PCDHGB3: variants seen among roughly 807,000 people sequenced by gnomAD.
PCDHGB3 encodes protocadherin gamma-B3.
Under a neutral mutation model 59.2 loss-of-function variants are expected in PCDHGB3, and 40 were observed. The observed-to-expected ratio is 0.68, with a 90% CI of 0.52 to 0.88. PCDHGB3 has a LOEUF of 0.88. Among genes scored for constraint, PCDHGB3 ranks in the 40% least tolerant of loss-of-function variants. The pLI, the probability that PCDHGB3 is intolerant of heterozygous loss-of-function variation, is 0.00. For synonymous variants in PCDHGB3, 581 were observed against 503.6 expected, an observed-to-expected ratio of 1.15 and a Z score of -2.06; for missense variants, 1,309 against 1,187.9, an observed-to-expected ratio of 1.10 and a Z score of -1.50.
In PCDHGB3 at chr5:141,432,009, G is replaced by A. The variant is rs1227754190; in HGVS notation, c.2415+59200G>A. ...GTCTTGGATAGGGAACAGGTTCCTA[G>A]CTACAACATCACAGTGACCGCCACT... On this transcript the variant is annotated intron_variant, in intron 1 of 3. Coordinates refer to ENST00000576222, the MANE Select transcript of PCDHGB3 (RefSeq NM_018924.5). The surrounding 1 kb of genome is among the most constrained non-coding windows in gnomAD (Gnocchi z 6.0). The A allele has an allele frequency of 1.2e-6, 2 of 1,614,188 alleles. No homozygotes were observed. The highest frequency in any genetic ancestry group is 1.7e-6 in the Non-Finnish European group (2 of 1,180,024).
rs1308858640 is a variant in PCDHGB3, at chr5:141,372,034, G to A, written c.1640G>A (p.Ser547Asn). The change falls in exon 1 of 4, where the codon AGC becomes AAC. Residue 547 changes from serine to asparagine, a missense_variant. By Grantham distance (46) the Ser-to-Asn change is conservative. Coordinates refer to ENST00000576222, the MANE Select transcript of PCDHGB3 (RefSeq NM_018924.5). ...TCGCCTACGCTCAGCGCCAACGTGA[G>A]CCTGCGCGTGTTGGTGGACGACCGC... is the stretch of plus-strand genomic sequence containing the variant. ...QGSPTLSANV[S>N]LRVLVDDRND... 6.2e-6 allele frequency: 10 copies of A among 1,613,358 alleles called. No homozygotes were observed. The highest frequency in any genetic ancestry group is 8.5e-6 in the Non-Finnish European group (10 of 1,179,778).
chr5:141,497,824 T>G (rs1164705269), intron 2 of PCDHGB3, among the ~76,000 whole-genome samples: 1 of 152,086 alleles, frequency 6.6e-6, no homozygotes, highest in African/African-American at 2.4e-5. Flanking sequence ...ACAGGTGTGA[T>G]CGCCCCCGGC....
At chr5:141,416,553 ACT>A (rs932477065) in intron 1 of PCDHGB3, 2 of 152,100 alleles carry the variant, frequency 1.3e-5, no homozygotes, top group Non-Finnish European at 2.9e-5. Context: ...AACACCTGAA[ACT>A]CTGAAAACTC....
In PCDHGB3 at chr5:141,489,684, T is replaced by C. The variant is rs2099690710; in HGVS notation, c.2416-5123T>C. 1.2e-6 allele frequency: 2 copies of C among 1,614,062 alleles called. No individual in the cohort carries two copies. The highest frequency in any genetic ancestry group is 8.5e-7 in the Non-Finnish European group (1 of 1,180,034). On this transcript the variant is annotated intron_variant, in intron 1 of 3. Coordinates refer to ENST00000576222, the MANE Select transcript of PCDHGB3 (RefSeq NM_018924.5). This position sits in a 1 kb window ranked among gnomAD's most constrained non-coding sequence, Gnocchi z 4.5. ...TGCGCATCTCAGAATCAGCAGCATCTGGGGCACGATTCCCACTGGACAGTG... is the reference window on the plus strand; with the variant it reads ...TGCGCATCTCAGAATCAGCAGCATCCGGGGCACGATTCCCACTGGACAGTG...
At chr5:141,414,457 G>C in intron 1 of PCDHGB3, 2 of 1,613,872 alleles carry the variant, frequency 1.2e-6, no homozygotes, top group Non-Finnish European at 1.7e-6. Flanking sequence ...CACAGTGACA[G>C]CCACAGATGG....
intron 3 of PCDHGB3, among the ~76,000 whole-genome samples, chr5:141,509,907 C>T (rs149338646): frequency 3.3e-5 from 5 of 152,182 alleles, no homozygotes; most frequent in South Asian, 2.1e-4. Context: ...TTCCAGCATG[C>T]GCTTAGGTAC....
Position 141,489,276 on chromosome 5 carries a change from A to G in PCDHGB3, c.2416-5531A>G. 6.4e-7 allele frequency: 1 copy of G among 1,556,122 alleles called. No homozygotes were observed. Among genetic ancestry groups the G allele is most frequent in the Non-Finnish European group, 8.7e-7 (1 of 1,151,562 alleles). On this transcript the variant is annotated intron_variant, in intron 1 of 3. Coordinates refer to ENST00000576222, the MANE Select transcript of PCDHGB3 (RefSeq NM_018924.5). The surrounding 1 kb of genome is among the most constrained non-coding windows in gnomAD (Gnocchi z 4.5). ...AGACACTCCCACAGCTCGCTGGGAA[A>G]TGGCAAGTGCTGTGCATGTTGTCCT...
chr5:141,377,571 G>A (rs1188090213), intron 1 of PCDHGB3: 1 of 151,658 alleles, frequency 6.6e-6, no homozygotes, highest in African/African-American at 2.4e-5. Context: ...ACCCTAGCCT[G>A]GGAGACAGAA....
chr5:141,405,103 G>A (rs368202826), intron 1 of PCDHGB3: 2 of 1,613,922 alleles, frequency 1.2e-6, no homozygotes, highest in Non-Finnish European at 1.7e-6. Flanking sequence ...TCAGGCTGAG[G>A]CACTGGCACT....
intron 1 of PCDHGB3, among the ~76,000 whole-genome samples, chr5:141,483,255 G>T (rs1383670642): frequency 1.3e-5 from 2 of 152,030 alleles, no homozygotes; most frequent in African/African-American, 2.4e-5. Context: ...ATATCATGAG[G>T]TTTTTTTGTT....
chr5:141,443,999 T>C (rs2098413024), intron 1 of PCDHGB3, among the ~76,000 whole-genome samples: 1 of 152,136 alleles, frequency 6.6e-6, no homozygotes, highest in Non-Finnish European at 1.5e-5. Context: ...TTTTAAATGC[T>C]ACCTGGGTAT....
rs1266310917 is a variant in PCDHGB3 at position 141,486,868 on chromosome 5, G to A, written c.2416-7939G>A. 2 of 1,614,104 alleles carry A rather than the reference G, an allele frequency of 1.2e-6. No homozygotes were observed. Among genetic ancestry groups the A allele is most frequent in the Non-Finnish European group, 1.7e-6 (2 of 1,180,056 alleles). ...ACCTCAATGACAATGCTCCAGCTGT[G>A]CTCCGTCCTCGGGCCCGGCCTGGTT... On this transcript the variant is annotated intron_variant, in intron 1 of 3. Transcript: ENST00000576222. The surrounding 1 kb of genome is among the most constrained non-coding windows in gnomAD (Gnocchi z 5.0).
chr5:141,414,866 C>G (rs1413236073), intron 1 of PCDHGB3: 1 of 1,614,230 alleles, frequency 6.2e-7, no homozygotes, highest in Non-Finnish European at 8.5e-7. Flanking sequence ...GACAATGCGC[C>G]CGAGATCCTG....
intron 1 of PCDHGB3, chr5:141,419,639 G>A (rs1478835703): frequency 6.2e-7 from 1 of 1,612,442 alleles, no homozygotes; most frequent in African/African-American, 1.3e-5. Flanking sequence ...GGTGGTGGCC[G>A]TGGACGCGGA....
intron 1 of PCDHGB3, chr5:141,387,784 T>A (rs2091093181): frequency 6.8e-7 from 1 of 1,472,514 alleles, no homozygotes; most frequent in East Asian, 2.4e-5. Context: ...GAACTGGAAC[T>A]GCAACTAAAG....
In PCDHGB3 at chr5:141,404,747, G is replaced by A. The variant is rs142282950; in HGVS notation, c.2415+31938G>A. 3.0e-4 allele frequency: 483 copies of A among 1,614,062 alleles called. 2 individuals carry two copies. The African/African-American group carries it at 5.3e-3, about 18-fold the overall frequency. On this transcript the variant is annotated intron_variant, in intron 1 of 3. Coordinates refer to ENST00000576222, the MANE Select transcript of PCDHGB3 (RefSeq NM_018924.5). ...GGTGGTGGCAGTGGACAGAGACTCA[G>A]GCCAGAATGCTTGGCTCTCCTACCG...
Position 141,476,263 on chromosome 5 carries a change from C to T in PCDHGB3, c.2416-18544C>T. 1 of 1,613,940 alleles carries T rather than the reference C, an allele frequency of 6.2e-7. No individual in the cohort carries two copies. The highest frequency in any genetic ancestry group is 8.5e-7 in the Non-Finnish European group (1 of 1,180,010). Reference sequence around the variant, plus strand: ...GAGAGAAGGGTTTCGCTGTGGGCAACGTGGTCGCGAACCTTGGTTTGGATC... The same window carrying T: ...GAGAGAAGGGTTTCGCTGTGGGCAATGTGGTCGCGAACCTTGGTTTGGATC... On this transcript the variant is annotated intron_variant, in intron 1 of 3. Transcript: ENST00000576222. The surrounding 1 kb of genome is among the most constrained non-coding windows in gnomAD (Gnocchi z 7.6).
intron 1 of PCDHGB3, chr5:141,421,999 TC>T: frequency 9.9e-6 from 16 of 1,609,214 alleles, no homozygotes; most frequent in Non-Finnish European, 1.4e-5. Context: ...AAACATCAGC[TC>T]CGGAACTCGG....
chr5:141,428,111 C>G (rs760446304), intron 1 of PCDHGB3: 2 of 1,607,622 alleles, frequency 1.2e-6, no homozygotes, highest in Non-Finnish European at 1.7e-6. Context: ...TGCTGCAGGC[C>G]ATCGAGCCCG....
Sources: allele counts gnomAD v4.1 joint callset (sites outside exome capture counted in the v4.1 genomes callset), GRCh38; gene constraint gnomAD v4.1.1; non-coding constraint Gnocchi (gnomAD v3.1); transcripts MANE v1.5; gene names NCBI Gene and HGNC (gene_info 2026-07-23, HGNC 2026-07-21).